The following ENPP1 variants were observed in gnomAD, a reference collection of about 807,000 sequenced individuals.
ENPP1 encodes ectonucleotide pyrophosphatase/phosphodiesterase 1.
In ENPP1, 73 loss-of-function variants were observed where a neutral mutation model predicts 122.8. That is an observed-to-expected ratio of 0.59 (90% CI 0.49 to 0.72). The LOEUF is 0.72. Among genes scored for constraint, ENPP1 ranks in the 30% least tolerant of loss-of-function variants. The pLI is 0.00. For synonymous variants in ENPP1, 367 were observed against 391.6 expected, an observed-to-expected ratio of 0.94 and a Z score of 0.74; for missense variants, 978 against 1,128.1, an observed-to-expected ratio of 0.87 and a Z score of 1.91.
intron 1 of ENPP1, among the ~76,000 whole-genome samples, chr6:131,830,159 G>C (rs1250847401): frequency 6.6e-6 from 1 of 152,200 alleles, no homozygotes; most frequent in Non-Finnish European, 1.5e-5. Context: ...ACTGTGAGCT[G>C]CAGTGCTCAT....
intron 20 of ENPP1, among the ~76,000 whole-genome samples, chr6:131,881,740 A>G (rs9402351): frequency 0.26 from 39,056 of 151,868 alleles, 5,231 homozygotes; most frequent in South Asian, 0.41. Context: ...AAAATTAGCC[A>G]GGCGTGGTGG....
rs571339873 is a variant in ENPP1 at position 131,892,452 on chromosome 6, C to T, written c.*1941C>T. On this transcript the variant is annotated 3_prime_UTR_variant, in exon 25 of 25. Coordinates refer to ENST00000647893, the MANE Select transcript of ENPP1 (RefSeq NM_006208.3). ...TCCCATTAGGTCTTTATTGATTCTTCCCTGGCTGGAATGTGCAGCGGCACC... is the reference window on the plus strand; with the variant it reads ...TCCCATTAGGTCTTTATTGATTCTTTCCTGGCTGGAATGTGCAGCGGCACC... 3.3e-5 allele frequency: 5 copies of T among 152,244 alleles called. No homozygotes were observed. The highest frequency in any genetic ancestry group is 2.1e-4 in the South Asian group (1 of 4,820). 9.4% of individuals were successfully genotyped at this position (152,244 alleles called of 1,614,324 possible).
chr6:131,877,838 C>CAAAAAAAA lies in ENPP1; in HGVS notation c.1894-682_1894-675dup, dbSNP rs1169868832. 4.1e-4 allele frequency: 5 copies of CAAAAAAAA among 12,110 alleles called. 2 individuals carry two copies. The highest frequency in any genetic ancestry group is 1.0e-3 in the African/African-American group (3 of 2,876). The allele number at this position is 12,110 out of a possible 1,614,324, so 0.8% of individuals were successfully genotyped here. ...TGGGCAACAGGGCAAGACCCTTTCT[C>CAAAAAAAA]AAAAAAAAAAAAAAAAAAAAAAAAA... On this transcript the variant is annotated intron_variant, in intron 18 of 24. Coordinates refer to ENST00000647893, the MANE Select transcript of ENPP1 (RefSeq NM_006208.3).
chr6:131,890,992 T>TAATC lies in ENPP1; in HGVS notation c.*484_*487dup, dbSNP rs1407623880. 2.7e-5 allele frequency: 4 copies of TAATC among 149,454 alleles called. No homozygotes were observed. The highest frequency in any genetic ancestry group is 5.4e-5 in the African/African-American group (2 of 37,068). The allele number at this position is 149,454 out of a possible 1,614,324, so 9.3% of individuals were successfully genotyped here. A position where few individuals can be genotyped will look rare whatever the true frequency, so the allele number is the denominator to read the frequency against. ...CTTGGAGTTTCATTTCTTTTCATTG[T>TAATC]AATCAAAAAAAAAATTAACAGAAGC... On this transcript the variant is annotated 3_prime_UTR_variant, in exon 25 of 25. Transcript: ENST00000647893.
chr6:131,893,151 T>C lies in ENPP1; in HGVS notation c.*2640T>C, dbSNP rs937105127. On this transcript the variant is annotated 3_prime_UTR_variant, in exon 25 of 25. Transcript: ENST00000647893. The stretch of plus-strand genomic sequence containing the variant: ...CCTTTGTAGAAGTGTCTCACTGATT[T>C]TTACATATTTTTCCAGCACACAAAC... 4 of 151,842 alleles carry C rather than the reference T, an allele frequency of 2.6e-5. No individual in the cohort carries two copies. Among genetic ancestry groups the C allele is most frequent in the African/African-American group, 7.3e-5 (3 of 41,314 alleles). The allele number at this position is 151,842 out of a possible 1,614,324, so 9.4% of individuals were successfully genotyped here. A position where few individuals can be genotyped will look rare whatever the true frequency, so the allele number is the denominator to read the frequency against.
chr6:131,833,722 A>G (rs1035855484), intron 1 of ENPP1, among the ~76,000 whole-genome samples: 64 of 152,228 alleles, frequency 4.2e-4, no homozygotes, highest in Admixed American at 3.1e-3. Context: ...TTTTCTCAAT[A>G]GATTGCTTTT....
intron 11 of ENPP1, among the ~76,000 whole-genome samples, chr6:131,865,188 AGCCTTT>A (rs1217457782): frequency 6.6e-6 from 1 of 152,212 alleles, no homozygotes; most frequent in African/African-American, 2.4e-5. Context: ...TCAATTTGAA[AGCCTTT>A]ATCCACTCCA....
chr6:131,816,276 C>A lies in ENPP1; in HGVS notation c.240+8001C>A, dbSNP rs1161974883. Among the ~76,000 whole-genome samples, 4 of 151,936 alleles carry A rather than the reference C, an allele frequency of 2.6e-5. No homozygotes were observed. The South Asian group carries it at 6.2e-4, about 24-fold the overall frequency. On this transcript the variant is annotated intron_variant, in intron 1 of 24. Transcript: ENST00000647893. The stretch of plus-strand genomic sequence containing the variant: ...TGGGGAGAGGCATTTAAGTTCCAGA[C>A]AACTTAGGAACAAATAAGCATTTGG...
intron 20 of ENPP1, among the ~76,000 whole-genome samples, chr6:131,880,368 C>T (rs1220213356): frequency 6.6e-6 from 1 of 152,000 alleles, no homozygotes; most frequent in Non-Finnish European, 1.5e-5. Context: ...TCGAGACCAT[C>T]CTGGCTAACA....
chr6:131,894,675 A>C lies in ENPP1; in HGVS notation c.*4164A>C, dbSNP rs1226631046. 2.0e-5 allele frequency: 3 copies of C among 152,304 alleles called. No homozygotes were observed. Among genetic ancestry groups the C allele is most frequent in the Non-Finnish European group, 4.4e-5 (3 of 68,086 alleles). 9.4% of individuals were successfully genotyped at this position (152,304 alleles called of 1,614,324 possible). A position where few individuals can be genotyped will look rare whatever the true frequency, so the allele number is the denominator to read the frequency against. ...ACTTAAAAAAACGTTTCCAAGAATC[A>C]GATAAAAGAGGACAAACCTTAGGGA... On this transcript the variant is annotated 3_prime_UTR_variant, in exon 25 of 25. Transcript: ENST00000647893.
At chr6:131,873,182 T>A in intron 15 of ENPP1, 132 bp downstream of exon 15, 1 of 1,079,562 alleles carries the variant, frequency 9.3e-7, no homozygotes, top group South Asian at 1.3e-5. Context: ...TAACCCAGGA[T>A]TTCTAATGTC....
intron 3 of ENPP1, 42 bp from the exon 4 acceptor site, chr6:131,851,100 A>T: frequency 1.2e-6 from 2 of 1,611,010 alleles, no homozygotes; most frequent in Non-Finnish European, 1.7e-6. Flanking sequence ...GGACATGTTG[A>T]ATTTGAGACA....
intron 1 of ENPP1, among the ~76,000 whole-genome samples, chr6:131,830,664 A>G (rs1421052803): frequency 6.6e-6 from 1 of 152,226 alleles, no homozygotes; most frequent in African/African-American, 2.4e-5. Flanking sequence ...CTAAATTAAA[A>G]TATGTATATT....
In ENPP1 at chr6:131,893,093, T is replaced by G. The variant is rs911928465; in HGVS notation, c.*2582T>G. 2.6e-5 allele frequency: 4 copies of G among 152,202 alleles called. No homozygotes were observed. The East Asian group carries it at 7.7e-4, about 29-fold the overall frequency. The allele number at this position is 152,202 out of a possible 1,614,324, so 9.4% of individuals were successfully genotyped here. ...TGTTTTAATATAATATCCAGGATTT[T>G]TATATGCATTTAGCAGAAGGATGTC... On this transcript the variant is annotated 3_prime_UTR_variant, in exon 25 of 25. Transcript: ENST00000647893.
intron 1 of ENPP1, chr6:131,828,430 A>G: frequency 3.2e-6 from 1 of 313,028 alleles, no homozygotes; most frequent in Non-Finnish European, 6.1e-6. Context: ...CCCTTGTAGG[A>G]GGACAGAAAT....
chr6:131,825,962 C>T, intron 1 of ENPP1: 1 of 538,762 alleles, frequency 1.9e-6, no homozygotes, highest in Non-Finnish European at 3.4e-6. Context: ...GATTTTGAAA[C>T]ATGAGTCTCT....
chr6:131,829,690 C>T (rs1297935520), intron 1 of ENPP1, among the ~76,000 whole-genome samples: 2 of 152,132 alleles, frequency 1.3e-5, no homozygotes, highest in East Asian at 3.8e-4. Context: ...AATGGTAGGA[C>T]CCTTAGGCAA....
intron 1 of ENPP1, among the ~76,000 whole-genome samples, chr6:131,813,404 C>T (rs1781377968): frequency 6.6e-6 from 1 of 151,946 alleles, no homozygotes; most frequent in Admixed American, 6.5e-5. Flanking sequence ...GTAGTACATG[C>T]CTGTAGTGCC....
At chr6:131,825,924 T>G (rs1045011685) in intron 1 of ENPP1, 1 of 373,988 alleles carries the variant, frequency 2.7e-6, no homozygotes, top group African/African-American at 2.0e-5. Flanking sequence ...ACTTCTTATT[T>G]AAAGCCCTGG....
Sources: gnomAD v4.1 joint callset for allele counts (sites outside exome capture counted in the v4.1 genomes callset) on GRCh38, gnomAD v4.1.1 for gene constraint, MANE v1.5 for transcripts, NCBI Gene and HGNC (gene_info 2026-07-23, HGNC 2026-07-21) for gene names.